The following TBC1D16 variants were observed in gnomAD, a reference collection of about 807,000 sequenced individuals.
The protein encoded by TBC1D16 is TBC1 domain family member 16.
A neutral mutation model predicts 74.7 loss-of-function variants in TBC1D16; 58 were observed. That is an observed-to-expected ratio of 0.78 (90% CI 0.63 to 0.97). TBC1D16 has a LOEUF of 0.97. TBC1D16 is among the 50% of genes least tolerant of loss of function. TBC1D16 has a pLI of 0.00. For missense variants in TBC1D16, 1,014 were observed against 1,079.5 expected (o/e 0.94, Z 0.85); for synonymous variants, 493 against 474.7 (o/e 1.04, Z -0.50).
rs111780383 is a variant in TBC1D16, at chr17:79,965,186, TCTC to T, written c.780-12371_780-12369del. ...CCTCCGCCTCCCAGGTTCAAGCGAT[TCTC>T]CTGCCTCAGCCTCCCAAGTAGCTGG... On this transcript the variant is annotated intron_variant, in intron 3 of 11. Transcript: ENST00000310924. Among the ~76,000 whole-genome samples, 7 of 152,188 alleles carry T rather than the reference TCTC, an allele frequency of 4.6e-5. 1 individual carries two copies. The highest frequency in any genetic ancestry group is 1.7e-4 in the African/African-American group (7 of 41,530).
chr17:80,003,310 C>A (rs931684811), intron 3 of TBC1D16, among the ~76,000 whole-genome samples: 1 of 152,216 alleles, frequency 6.6e-6, no homozygotes, highest in Non-Finnish European at 1.5e-5. Flanking sequence ...AACACCCAAA[C>A]ACCATCTTGC....
Position 79,941,209 on chromosome 17 carries a change from C to A in TBC1D16, c.2056-102G>T. 8.3e-7 allele frequency: 1 copy of A among 1,211,200 alleles called. No individual in the cohort carries two copies. Among genetic ancestry groups the A allele is most frequent in the Admixed American group, 2.5e-5 (1 of 39,964 alleles). 75.0% of individuals were successfully genotyped at this position (1,211,200 alleles called of 1,614,324 possible). On this transcript the variant is annotated intron_variant, in intron 11 of 11. Coordinates refer to ENST00000310924, the MANE Select transcript of TBC1D16 (RefSeq NM_019020.4). The surrounding 1 kb of genome is among the most constrained non-coding windows in gnomAD (Gnocchi z 4.3). ...AGACAGCAACAGCAGCAACAACGGC[C>A]TGCACCTCGGGGGCTCACCGAGTCC...
At position 79,947,652 on chromosome 17, in the gene TBC1D16, T is replaced by C; in HGVS notation, c.1721A>G (p.Lys574Arg). ...CATCCCCCTGAGCCTCACCAGTTGT[T>C]TCTCCATGTCCTCGTCCCGGGGTGA... ...VSSPRDEDMEKQLLYLRELLR... is the reference protein window; with the variant it reads ...VSSPRDEDMERQLLYLRELLR... The change falls in exon 9 of 12, where the codon AAA becomes AGA. Residue 574 changes from lysine to arginine, a missense_variant. By Grantham distance (26) the Lys-to-Arg change is conservative. Transcript: ENST00000310924. The C allele has an allele frequency of 6.2e-7, 1 of 1,614,090 alleles. No individual in the cohort carries two copies. Among genetic ancestry groups the C allele is most frequent in the Non-Finnish European group, 8.5e-7 (1 of 1,179,998 alleles).
chr17:80,004,297 C>T (rs906304127), intron 3 of TBC1D16, among the ~76,000 whole-genome samples: 9 of 152,212 alleles, frequency 5.9e-5, no homozygotes, highest in Admixed American at 2.0e-4. Flanking sequence ...TTAACTGCAA[C>T]GGGCAGAATC....
At position 79,956,305 on chromosome 17, in the gene TBC1D16, G is replaced by A. The variant is rs2033332974; in HGVS notation, c.780-3487C>T. Among the ~76,000 whole-genome samples, 1 of 152,226 alleles carries A rather than the reference G, an allele frequency of 6.6e-6. No homozygotes were observed. The highest frequency in any genetic ancestry group is 6.5e-5 in the Admixed American group (1 of 15,282). On this transcript the variant is annotated intron_variant, in intron 3 of 11. Transcript: ENST00000310924. This position sits in a 1 kb window ranked among gnomAD's most constrained non-coding sequence, Gnocchi z 4.0. ...GTCTCCCTCTATCCCCCTGGCTGAA[G>A]TGCGGTGGTGCAAACACAACTCACC... is the stretch of plus-strand genomic sequence containing the variant.
chr17:80,034,979 T>G (rs919167237), intron 1 of TBC1D16, among the ~76,000 whole-genome samples: 3 of 152,198 alleles, frequency 2.0e-5, no homozygotes, highest in African/African-American at 7.2e-5. Flanking sequence ...AGCTTCTCAT[T>G]TGAACTTGAC....
chr17:79,972,238 T>A (rs1176016898), intron 3 of TBC1D16, among the ~76,000 whole-genome samples: 1 of 152,058 alleles, frequency 6.6e-6, no homozygotes, highest in Non-Finnish European at 1.5e-5. Context: ...GTGCAGTGGC[T>A]CAATCTTGGC....
At position 79,954,158 on chromosome 17, in the gene TBC1D16, C is replaced by G. The variant is rs62076649; in HGVS notation, c.780-1340G>C. On this transcript the variant is annotated intron_variant, in intron 3 of 11. Transcript: ENST00000310924. The surrounding 1 kb of genome is among the most constrained non-coding windows in gnomAD (Gnocchi z 5.5). ...CAGCTCTGGACCCCAACTGCAGCAC[C>G]CCACAGAGACTCAGCCGCATTCACC... Among the ~76,000 whole-genome samples, 1 of 152,182 alleles carries G rather than the reference C, an allele frequency of 6.6e-6. No individual in the cohort carries two copies. Among genetic ancestry groups the G allele is most frequent in the Non-Finnish European group, 1.5e-5 (1 of 68,038 alleles).
intron 3 of TBC1D16, among the ~76,000 whole-genome samples, chr17:79,998,041 CT>C (rs2035339985): frequency 6.8e-6 from 1 of 147,700 alleles, no homozygotes; most frequent in South Asian, 2.2e-4. Flanking sequence ...AGGAAAATCG[CT>C]TGAACCCAGG....
chr17:79,943,475 C>G (rs551376302), intron 10 of TBC1D16, among the ~76,000 whole-genome samples: 22 of 152,274 alleles, frequency 1.4e-4, no homozygotes, highest in Admixed American at 7.2e-4. Flanking sequence ...AAAAGCCTTT[C>G]TCGCTCAGGG....
intron 2 of TBC1D16, among the ~76,000 whole-genome samples, chr17:80,011,016 A>G (rs372692077): frequency 7.2e-5 from 11 of 151,992 alleles, no homozygotes; most frequent in Middle Eastern, 3.2e-3. Context: ...CCGGCCTGCC[A>G]TGCGCCTTTC....
At chr17:80,011,789 G>A (rs1432786801) in intron 2 of TBC1D16, among the ~76,000 whole-genome samples, 1 of 150,838 alleles carries the variant, frequency 6.6e-6, no homozygotes, top group East Asian at 2.0e-4. Flanking sequence ...TTGCACCACT[G>A]CACTCCAGCC....
intron 3 of TBC1D16, among the ~76,000 whole-genome samples, chr17:79,984,442 C>T (rs866877283): frequency 1.3e-5 from 2 of 151,886 alleles, no homozygotes; most frequent in Non-Finnish European, 2.9e-5. Flanking sequence ...GGAAATACAC[C>T]AAAAAGTTAA....
Position 79,985,431 on chromosome 17 carries a change from T to C in TBC1D16, c.779+24729A>G, listed in dbSNP as rs2144376247. ...CACGGCAGACACAGTTCCCCGAAAC[T>C]GAAGACGTGTTTACTCACTTTTTTT... On this transcript the variant is annotated intron_variant, in intron 3 of 11. Transcript: ENST00000310924. This position sits in a 1 kb window ranked among gnomAD's most constrained non-coding sequence, Gnocchi z 4.9. Among the ~76,000 whole-genome samples, 1 of 152,346 alleles carries C rather than the reference T, an allele frequency of 6.6e-6. No individual in the cohort carries two copies. Among genetic ancestry groups the C allele is most frequent in the East Asian group, 1.9e-4 (1 of 5,186 alleles).
chr17:79,981,298 C>T lies in TBC1D16; in HGVS notation c.780-28480G>A, dbSNP rs1010534875. Among the ~76,000 whole-genome samples, 5 of 152,146 alleles carry T rather than the reference C, an allele frequency of 3.3e-5. No individual in the cohort carries two copies. Among genetic ancestry groups the T allele is most frequent in the Non-Finnish European group, 5.9e-5 (4 of 68,026 alleles). On this transcript the variant is annotated intron_variant, in intron 3 of 11. Coordinates refer to ENST00000310924, the MANE Select transcript of TBC1D16 (RefSeq NM_019020.4). The surrounding 1 kb of genome is among the most constrained non-coding windows in gnomAD (Gnocchi z 6.9). ...CGCAAACCAGGACTGGGGCCCTGGC[C>T]GACAGAAAATTCTTAGAGCAAAATG... is the stretch of plus-strand genomic sequence containing the variant.
At chr17:80,016,163 A>G (rs1209643547) in intron 1 of TBC1D16, among the ~76,000 whole-genome samples, 21 of 152,140 alleles carry the variant, frequency 1.4e-4, no homozygotes. Context: ...CAAATCAGTC[A>G]CAAGAGACAA....
Position 79,983,186 on chromosome 17 carries a change from C to T in TBC1D16, c.779+26974G>A, listed in dbSNP as rs567513639. Among the ~76,000 whole-genome samples the T allele has an allele frequency of 1.4e-4, 22 of 152,186 alleles. No individual in the cohort carries two copies. Among genetic ancestry groups the T allele is most frequent in the Non-Finnish European group, 2.6e-4 (18 of 68,046 alleles). On this transcript the variant is annotated intron_variant, in intron 3 of 11. Transcript: ENST00000310924. The surrounding 1 kb of genome is among the most constrained non-coding windows in gnomAD (Gnocchi z 5.6). Reference sequence around the variant, plus strand: ...ACAGGCCGCTGTGCAGGCGTGAAACCCAGTGGCGGTTCAGAAGACGTGGCA... The same window carrying T: ...ACAGGCCGCTGTGCAGGCGTGAAACTCAGTGGCGGTTCAGAAGACGTGGCA...
chr17:79,954,060 G>A lies in TBC1D16; in HGVS notation c.780-1242C>T, dbSNP rs1051767920. On this transcript the variant is annotated intron_variant, in intron 3 of 11. Transcript: ENST00000310924. This position sits in a 1 kb window ranked among gnomAD's most constrained non-coding sequence, Gnocchi z 5.5. ...GTTGGGATTACAGGCGTGAGCCATC[G>A]CGCCTGACACTCTCTTGAGATTTAA... 1.3e-5 allele frequency among the ~76,000 whole-genome samples: 2 copies of A among 152,076 alleles called. No individual in the cohort carries two copies. The highest frequency in any genetic ancestry group is 2.4e-5 in the African/African-American group (1 of 41,414).
intron 3 of TBC1D16, among the ~76,000 whole-genome samples, chr17:79,953,254 T>C (rs1037368713): frequency 6.6e-6 from 1 of 152,206 alleles, no homozygotes; most frequent in Non-Finnish European, 1.5e-5. Flanking sequence ...TTTGGGATGA[T>C]TTTAGATAGC....
Sources: gnomAD v4.1 joint callset for allele counts (sites outside exome capture counted in the v4.1 genomes callset) on GRCh38, gnomAD v4.1.1 for gene constraint, Gnocchi (gnomAD v3.1) non-coding constraint, MANE v1.5 for transcripts, NCBI Gene and HGNC (gene_info 2026-07-23, HGNC 2026-07-21) for gene names.